KIF7: variants seen among roughly 807,000 people sequenced by gnomAD.
KIF7 encodes the protein kinesin-like protein KIF7.
In KIF7, 104 loss-of-function variants were observed where a neutral mutation model predicts 135.7. That is an observed-to-expected ratio of 0.77 (90% CI 0.65 to 0.90). The LOEUF (loss-of-function observed/expected upper bound fraction) is 0.90. Among genes scored for constraint, KIF7 ranks in the 40% least tolerant of loss-of-function variants. KIF7 has a pLI of 0.00. For synonymous variants in KIF7, 883 were observed against 809.4 expected, an observed-to-expected ratio of 1.09 and a Z score of -1.54; for missense variants, 2,005 against 1,839.1, an observed-to-expected ratio of 1.09 and a Z score of -1.65.
chr15:89,619,290 C>T lies in KIF7; in HGVS notation c.181-1095G>A, dbSNP rs1238521991. On this transcript the variant is annotated intron_variant and NMD_transcript_variant, in intron 1 of 2. Coordinates refer to the KIF7 transcript ENST00000558928. ...GCCCAGGCTGGAGTGCACTGGCATG[C>T]TCTCCGCTCACTGCAACCTCCACCT... Among the ~76,000 whole-genome samples the T allele has an allele frequency of 4.2e-5, 6 of 141,326 alleles. No individual in the cohort carries two copies. The Admixed American group carries it at 4.4e-4, about 10-fold the overall frequency. 92.7% of individuals were successfully genotyped at this position (141,326 alleles called of 152,430 possible). A position where few individuals can be genotyped will look rare whatever the true frequency, so the allele number is the denominator to read the frequency against.
chr15:89,625,025 A>G, downstream of KIF7: 1 of 1,614,004 alleles, frequency 6.2e-7, no homozygotes, highest in Non-Finnish European at 8.5e-7. Context: ...GGCCTTCCCA[A>G]ACTTCGAATT....
rs761188101 is a variant in KIF7, at chr15:89,649,751, G to A, written c.519C>T (p.Arg173=). 2.1e-5 allele frequency: 33 copies of A among 1,551,686 alleles called. No individual in the cohort carries two copies. The Admixed American group carries it at 2.6e-4, about 12-fold the overall frequency. Residue 173 remains arginine, a synonymous_variant, in exon 3 of 19, where the codon CGC becomes CGT. Transcript: ENST00000394412. ...CCCAGAGTTCCTCACCAACATTCCCGCGCTCATCTTCCCGGAGCTGGATGT... is the reference window on the plus strand; with the variant it reads ...CCCAGAGTTCCTCACCAACATTCCCACGCTCATCTTCCCGGAGCTGGATGT... The part of the protein sequence containing the change: ...SRDIQLREDE[R]GNVVLCGVKE...
rs886051544 is a variant in KIF7 at position 89,649,894 on chromosome 15, C to T, written c.376G>A (p.Glu126Lys). ...EQGIVPRAMA[E>K]AFKLIDENDL... The stretch of plus-strand genomic sequence containing the variant: ...TTCTCATCGATGAGCTTGAAGGCCT[C>T]GGCCATGGCCCTCGGGACAATGCCC... The change falls in exon 3 of 19, where the codon GAG becomes AAG. Residue 126 changes from glutamate to lysine, a missense_variant. By Grantham distance (56) the Glu-to-Lys change is moderately conservative. Transcript: ENST00000394412. 88 of 1,551,712 alleles carry T rather than the reference C, an allele frequency of 5.7e-5. No homozygotes were observed. Among genetic ancestry groups the T allele is most frequent in the Non-Finnish European group, 6.9e-5 (79 of 1,146,994 alleles).
chr15:89,634,714 G>T (rs531245447), intron 11 of KIF7, among the ~76,000 whole-genome samples: 1 of 152,206 alleles, frequency 6.6e-6, no homozygotes, highest in Non-Finnish European at 1.5e-5. Context: ...CACAGCAGTC[G>T]GAGATCAAAC....
At chr15:89,653,593 C>T (rs1964158734) in intron 1 of KIF7, among the ~76,000 whole-genome samples, 1 of 152,126 alleles carries the variant, frequency 6.6e-6, no homozygotes, top group Admixed American at 6.6e-5. Flanking sequence ...TCTTTTTCTT[C>T]TTGAGACAGG....
At position 89,652,878 on chromosome 15, in the gene KIF7, AC is replaced by A; in HGVS notation, c.52del (p.Val18LeufsTer164). On this transcript the variant is annotated frameshift_variant, in exon 2 of 19. Coordinates refer to ENST00000394412, the MANE Select transcript of KIF7 (RefSeq NM_198525.3). LOFTEE classifies it high-confidence loss of function. ...LPGAEEAPVRVALRVRPLLPK... is the reference protein window; with the variant it reads ...LPGAEEAPVRXALRVRPLLPK... Reference sequence around the variant, plus strand: ...CAGCAGTGGTCGAACTCGCAGGGCAACCCGCACTGGGGCCTCCTCAGCCCCT... The same window carrying A: ...CAGCAGTGGTCGAACTCGCAGGGCAACCGCACTGGGGCCTCCTCAGCCCCT... The A allele has an allele frequency of 1.3e-6, 2 of 1,543,076 alleles. No individual in the cohort carries two copies. Among genetic ancestry groups the A allele is most frequent in the Non-Finnish European group, 1.7e-6 (2 of 1,143,442 alleles).
At chr15:89,640,526 A>C (rs1208478923) in intron 11 of KIF7, among the ~76,000 whole-genome samples, 1 of 152,168 alleles carries the variant, frequency 6.6e-6, no homozygotes, top group Non-Finnish European at 1.5e-5. Flanking sequence ...CTGGGATTCA[A>C]ACCTGAGCAG....
At chr15:89,627,654 C>G (rs947716639), downstream of KIF7, 17 of 153,686 alleles carry the variant, frequency 1.1e-4, no homozygotes, top group African/African-American at 4.1e-4. Flanking sequence ...TGACCATGGT[C>G]CAGCTTGAGT....
Position 89,645,970 on chromosome 15 carries a change from C to T in KIF7, c.1845G>A (p.Leu615=), listed in dbSNP as rs1308757084. ...GAELLTEVNR[L]GSGSSAASEE... is the part of the protein sequence containing the mutation. ...CTGAAGCAGCTGAAGAGCCACTTCCCAGCCTGTTCACCTCAGTCAGCAACT... is the reference window on the plus strand; with the variant it reads ...CTGAAGCAGCTGAAGAGCCACTTCCTAGCCTGTTCACCTCAGTCAGCAACT... Residue 615 remains leucine, a synonymous_variant, in exon 8 of 19, where the codon CTG becomes CTA. Transcript: ENST00000394412. 1.9e-6 allele frequency: 3 copies of T among 1,613,844 alleles called. No individual in the cohort carries two copies. Among genetic ancestry groups the T allele is most frequent in the African/African-American group, 2.7e-5 (2 of 74,916 alleles).
intron 1 of KIF7, among the ~76,000 whole-genome samples, chr15:89,622,221 A>G (rs1008945170): frequency 3.9e-5 from 6 of 152,002 alleles, no homozygotes; most frequent in African/African-American, 1.4e-4. Context: ...CCTGACCTCA[A>G]GTGATCCACC....
chr15:89,638,471 T>A (rs1055058568), intron 11 of KIF7, among the ~76,000 whole-genome samples: 3 of 151,248 alleles, frequency 2.0e-5, no homozygotes, highest in African/African-American at 7.3e-5. Flanking sequence ...AAAATCAATG[T>A]ACAAAAATCA....
chr15:89,649,845 T>G lies in KIF7; in HGVS notation c.425A>C (p.His142Pro), dbSNP rs551697037. Residue 142 changes from histidine to proline, a missense_variant, in exon 3 of 19, where the codon CAT becomes CCT. By Grantham distance (77) the His-to-Pro change is moderately conservative (BLOSUM62 -2). Coordinates refer to ENST00000394412, the MANE Select transcript of KIF7 (RefSeq NM_198525.3). The part of the protein sequence containing the change: ...DENDLLDCLV[H>P]VSYLEVYKEE... ...CTTGTACACTTCCAGGTAGGACACATGTACCAGACAGTCAAGCAGGTCGTT... is the reference window on the plus strand; with the variant it reads ...CTTGTACACTTCCAGGTAGGACACAGGTACCAGACAGTCAAGCAGGTCGTT... 6.4e-7 allele frequency: 1 copy of G among 1,551,786 alleles called. No homozygotes were observed. Among genetic ancestry groups the G allele is most frequent in the Non-Finnish European group, 8.7e-7 (1 of 1,146,996 alleles).
chr15:89,619,619 T>C (rs1198029654), intron 1 of KIF7: 1 of 1,358,542 alleles, frequency 7.4e-7, no homozygotes, highest in Non-Finnish European at 1.0e-6. Flanking sequence ...TATGTGGTAC[T>C]ATGTAAATTT....
At position 89,628,635 on chromosome 15, in the gene KIF7, C is replaced by T. The variant is rs772866453; in HGVS notation, c.3816G>A (p.Pro1272=). 8.7e-6 allele frequency: 14 copies of T among 1,613,260 alleles called. No homozygotes were observed. The African/African-American group carries it at 1.5e-4, about 17-fold the overall frequency. Residue 1272 remains proline, a synonymous_variant, in exon 19 of 19, where the codon CCG becomes CCA. Coordinates refer to ENST00000394412, the MANE Select transcript of KIF7 (RefSeq NM_198525.3). ...TCGAGCGTTTCCAGGTCAAGGGTAA[C>T]GGAGCGTGGACCAAGTCCCGCGTCT... is the stretch of plus-strand genomic sequence containing the variant. ...REETRDLVHA[P]LPLTWKRSSL...
At chr15:89,651,904 G>C (rs1480865800) in intron 2 of KIF7, among the ~76,000 whole-genome samples, 2 of 152,182 alleles carry the variant, frequency 1.3e-5, no homozygotes, top group Non-Finnish European at 2.9e-5. Context: ...GACCCCTTCT[G>C]TGTACTACCA....
chr15:89,621,682 G>A (rs768045026), intron 1 of KIF7: 175 of 737,774 alleles, frequency 2.4e-4, no homozygotes, highest in Non-Finnish European at 3.5e-4. Context: ...GAGGTGACTG[G>A]GTGGAGCCAC....
At position 89,631,655 on chromosome 15, in the gene KIF7, T is replaced by A; in HGVS notation, c.2951A>T (p.Glu984Val). ...VSSRLEHLEK[E>V]LSEKSGQLRQ... ...CAGCTGCCCGCTCTTCTCGGACAGC[T>A]CCTTCTCCAGGTGCTCCAGCCGGCT... is the stretch of plus-strand genomic sequence containing the variant. The change falls in exon 15 of 19, where the codon GAG becomes GTG. Residue 984 changes from glutamate to valine, a missense_variant. By Grantham distance (121) the Glu-to-Val change is moderately radical. Coordinates refer to ENST00000394412, the MANE Select transcript of KIF7 (RefSeq NM_198525.3). 2 of 1,561,966 alleles carry A rather than the reference T, an allele frequency of 1.3e-6. No homozygotes were observed.
At chr15:89,653,051 C>T (rs1422613276) in intron 1 of KIF7, 97 bp from the exon 2 acceptor site, 2 of 984,528 alleles carry the variant, frequency 2.0e-6, no homozygotes, top group Non-Finnish European at 2.9e-6. Context: ...CAGCTCCTGA[C>T]CTTGGAGGGA....
chr15:89,624,950 C>T (rs1467196025), downstream of KIF7: 3 of 1,614,130 alleles, frequency 1.9e-6, no homozygotes, highest in Non-Finnish European at 1.7e-6. Context: ...CCAGCATCAG[C>T]TTGGCATTCC....
Sources: gnomAD v4.1 joint callset for allele counts (sites outside exome capture counted in the v4.1 genomes callset) on GRCh38, gnomAD v4.1.1 for gene constraint, MANE v1.5 for transcripts, NCBI Gene and HGNC (gene_info 2026-07-23, HGNC 2026-07-21) for gene names.